Variants in ZNF777 observed in about 807,000 individuals in gnomAD.
ZNF777 encodes zinc finger protein 777.
Under a neutral mutation model 72.1 loss-of-function variants are expected in ZNF777, and 7 were observed. The ratio of observed to expected loss-of-function variants is 0.10; its 90% CI spans 0.06 to 0.18. The LOEUF is 0.18. Among genes scored for constraint, ZNF777 ranks in the 10% least tolerant of loss-of-function variants. The pLI is 1.00. For synonymous variants in ZNF777, 545 were observed against 483.5 expected (o/e 1.13, Z -1.67); for missense variants, 828 against 1,128.6 (o/e 0.73, Z 3.82).
In ZNF777 at chr7:149,432,673, C is replaced by G. The variant is rs375211757; in HGVS notation, c.1599G>C (p.Ser533=). The G allele has an allele frequency of 1.2e-6, 2 of 1,612,892 alleles. No homozygotes were observed. Among genetic ancestry groups the G allele is most frequent in the Non-Finnish European group, 1.7e-6 (2 of 1,179,628 alleles). The change falls in exon 6 of 6, where the codon TCG becomes TCC. Residue 533 remains serine, a synonymous_variant. Transcript: ENST00000247930. ...CGCGCCGGTTCCGCTGCTGCTGGCT[C>G]GAGGCCCCGCGGTTCTCGCTCAGGT... The part of the protein sequence containing the change: ...ERHLSENRGA[S]SQQQRNRRGE...
At chr7:149,440,466 T>C (rs1455871749) in intron 4 of ZNF777, among the ~76,000 whole-genome samples, 1 of 152,080 alleles carries the variant, frequency 6.6e-6, no homozygotes, top group Non-Finnish European at 1.5e-5. Context: ...TCAAACCACC[T>C]GCCACCTCAG....
chr7:149,434,927 A>G (rs1278360405), intron 5 of ZNF777, among the ~76,000 whole-genome samples: 1 of 152,112 alleles, frequency 6.6e-6, no homozygotes, highest in Non-Finnish European at 1.5e-5. Context: ...AACGCCAAAC[A>G]TTTGGCCCTA....
chr7:149,459,495 G>A (rs1006522608), intron 1 of ZNF777, among the ~76,000 whole-genome samples: 3 of 152,142 alleles, frequency 2.0e-5, no homozygotes, highest in African/African-American at 7.2e-5. Flanking sequence ...GCTGGGCGCT[G>A]CCCGGCCTCC....
chr7:149,436,760 G>A lies in ZNF777; in HGVS notation c.1154C>T (p.Thr385Ile). Residue 385 changes from threonine to isoleucine, a missense_variant, in exon 5 of 6, where the codon ACA (threonine) becomes ATA (isoleucine). Transcript: ENST00000247930. The surrounding 1 kb of genome is among the most constrained non-coding windows in gnomAD (Gnocchi z 5.0). Reference sequence around the variant, plus strand: ...CACCTGTCCCATCAGGGGCTCAGGTGTCTCCAAACTTTCTGAGCCCTCGTC... The same window carrying A: ...CACCTGTCCCATCAGGGGCTCAGGTATCTCCAAACTTTCTGAGCCCTCGTC... Reference protein sequence around the residue: ...TNDEGSESLETPEPLMGQVEE... With the variant: ...TNDEGSESLEIPEPLMGQVEE... 3 of 1,614,118 alleles carry A rather than the reference G, an allele frequency of 1.9e-6. No individual in the cohort carries two copies. The highest frequency in any genetic ancestry group is 2.2e-5 in the South Asian group (2 of 91,082).
At chr7:149,438,682 C>G (rs1302004421) in intron 4 of ZNF777, among the ~76,000 whole-genome samples, 1 of 152,146 alleles carries the variant, frequency 6.6e-6, no homozygotes, top group Non-Finnish European at 1.5e-5. Context: ...ATAAATGAAC[C>G]AAGCAGCCTC....
At chr7:149,451,378 T>C (rs568292023) in intron 3 of ZNF777, among the ~76,000 whole-genome samples, 1 of 152,098 alleles carries the variant, frequency 6.6e-6, no homozygotes, top group Admixed American at 6.5e-5. Flanking sequence ...CAGAAGATAT[T>C]TGAAATTTTG....
chr7:149,447,075 T>G (rs1226199793), intron 4 of ZNF777, among the ~76,000 whole-genome samples: 1 of 152,212 alleles, frequency 6.6e-6, no homozygotes, highest in Non-Finnish European at 1.5e-5. Flanking sequence ...CTCCTTCTTT[T>G]TCCACAACAG....
At chr7:149,450,883 C>T in intron 4 of ZNF777, 116 bp downstream of exon 4, 1 of 897,868 alleles carries the variant, frequency 1.1e-6, no homozygotes, top group Non-Finnish European at 1.7e-6. Context: ...TGCGGGCCTC[C>T]TTCCTGCTAA....
chr7:149,447,038 T>C (rs1210320072), intron 4 of ZNF777, among the ~76,000 whole-genome samples: 1 of 151,832 alleles, frequency 6.6e-6, no homozygotes, highest in African/African-American at 2.4e-5. Flanking sequence ...TTCTGGCCAC[T>C]CTTTCTGTTT....
chr7:149,455,366 C>T lies in ZNF777; in HGVS notation c.657G>A (p.Lys219=), dbSNP rs374283609. Residue 219 remains lysine (K), a synonymous_variant, in exon 2 of 6, where the codon AAG becomes AAA. Coordinates refer to ENST00000247930, the MANE Select transcript of ZNF777 (RefSeq NM_015694.3). This position sits in a 1 kb window ranked among gnomAD's most constrained non-coding sequence, Gnocchi z 4.2. ...CGGCTGTCTTCTCGCAGTCGGCTAT[C>T]TTCTTTTCATTTGTCCCCGTCCTGC... ...LEGRTGTNEK[K]IADCEKTAVE... 1.1e-5 allele frequency: 17 copies of T among 1,614,128 alleles called. No individual in the cohort carries two copies. In the African/African-American group the frequency reaches 2.1e-4, roughly 20 times the overall value.
intron 1 of ZNF777, among the ~76,000 whole-genome samples, chr7:149,456,843 G>A (rs1379704076): frequency 6.6e-6 from 1 of 152,184 alleles, no homozygotes; most frequent in Admixed American, 6.5e-5. Flanking sequence ...TATGTGCCCG[G>A]CCCCTGCTGT....
In ZNF777 at chr7:149,455,390, G is replaced by A. The variant is rs1241766324; in HGVS notation, c.633C>T (p.Gly211=). Residue 211 remains glycine (G), a synonymous_variant, in exon 2 of 6, where the codon GGC becomes GGT. Transcript: ENST00000247930. This position sits in a 1 kb window ranked among gnomAD's most constrained non-coding sequence, Gnocchi z 4.2. The part of the protein sequence containing the change: ...AQAMRLLTLE[G]RTGTNEKKIA... ...TCTTCTTTTCATTTGTCCCCGTCCT[G>A]CCTTCCAGGGTCAGTAGCCTCATGG... 1.2e-6 allele frequency: 2 copies of A among 1,614,176 alleles called. No homozygotes were observed. Among genetic ancestry groups the A allele is most frequent in the East Asian group, 4.5e-5 (2 of 44,878 alleles).
chr7:149,446,917 G>A (rs1271145459), intron 4 of ZNF777, among the ~76,000 whole-genome samples: 5 of 152,130 alleles, frequency 3.3e-5, no homozygotes, highest in African/African-American at 4.8e-5. Context: ...TAGTCTTCCT[G>A]TTCCTAAACC....
At chr7:149,443,746 C>A (rs1483843343) in intron 4 of ZNF777, among the ~76,000 whole-genome samples, 1 of 152,122 alleles carries the variant, frequency 6.6e-6, no homozygotes, top group Non-Finnish European at 1.5e-5. Context: ...CCACACCCAG[C>A]TATATATACA....
At chr7:149,435,262 T>C (rs1799390667) in intron 5 of ZNF777, among the ~76,000 whole-genome samples, 1 of 152,048 alleles carries the variant, frequency 6.6e-6, no homozygotes, top group Non-Finnish European at 1.5e-5. Flanking sequence ...CCTCAGCCTC[T>C]CAGCTTCAAC....
rs78220631 is a variant in ZNF777, at chr7:149,453,404, G to A, written c.973+707C>T. Among the ~76,000 whole-genome samples, 569 of 152,076 alleles carry A rather than the reference G, an allele frequency of 3.7e-3. 7 individuals carry two copies. Among genetic ancestry groups the A allele is most frequent in the East Asian group, 0.026 (134 of 5,184 alleles). ...AACACATTTAAATGTTTAAGATAACGTTTTTTTGTATATACCCAAAAAGTT... is the reference window on the plus strand; with the variant it reads ...AACACATTTAAATGTTTAAGATAACATTTTTTTGTATATACCCAAAAAGTT... On this transcript the variant is annotated intron_variant, in intron 3 of 5. Transcript: ENST00000247930.
At chr7:149,446,364 A>T (rs1799602723) in intron 4 of ZNF777, among the ~76,000 whole-genome samples, 1 of 152,282 alleles carries the variant, frequency 6.6e-6, no homozygotes, top group South Asian at 2.1e-4. Context: ...AACAAGAGCG[A>T]AACTCCATCT....
At chr7:149,459,918 C>T (rs1799913287) in intron 1 of ZNF777, 3 of 957,846 alleles carry the variant, frequency 3.1e-6, no homozygotes, top group South Asian at 9.6e-5. Flanking sequence ...CTCCCTCGCA[C>T]GGACGGCGGC....
intron 3 of ZNF777, among the ~76,000 whole-genome samples, chr7:149,453,382 A>C (rs924844223): frequency 6.6e-6 from 1 of 152,250 alleles, no homozygotes; most frequent in African/African-American, 2.4e-5. Context: ...ATGTGACAAC[A>C]CATTTAAATG....
Sources: allele counts gnomAD v4.1 joint callset (sites outside exome capture counted in the v4.1 genomes callset), GRCh38; gene constraint gnomAD v4.1.1; non-coding constraint Gnocchi (gnomAD v3.1); transcripts MANE v1.5; gene names NCBI Gene and HGNC (gene_info 2026-07-23, HGNC 2026-07-21).